Variants in SPAG16 observed in about 807,000 individuals in gnomAD.
SPAG16 encodes the protein sperm-associated antigen 16 protein.
In SPAG16, 86 loss-of-function variants were observed where a neutral mutation model predicts 80.4. The ratio of observed to expected loss-of-function variants is 1.07; its 90% CI spans 0.90 to 1.28. The LOEUF is 1.28. SPAG16 is among the 50% of genes most tolerant of loss of function. The pLI is 0.00. For synonymous variants in SPAG16, 294 were observed against 265.9 expected, an observed-to-expected ratio of 1.11 and a Z score of -1.03; for missense variants, 870 against 765.3, an observed-to-expected ratio of 1.14 and a Z score of -1.61.
At chr2:213,518,863 C>A (rs1356612205) in intron 10 of SPAG16, among the ~76,000 whole-genome samples, 2 of 152,176 alleles carry the variant, frequency 1.3e-5, no homozygotes, top group African/African-American at 4.8e-5. Context: ...AAATATTATA[C>A]ATATACACTG....
At chr2:214,318,501 C>T (rs1695854355) in intron 15 of SPAG16, among the ~76,000 whole-genome samples, 1 of 150,988 alleles carries the variant, frequency 6.6e-6, no homozygotes, top group Admixed American at 6.6e-5. Context: ...CCTGCCTCAG[C>T]CTCCCGAGTA....
At position 213,441,790 on chromosome 2, in the gene SPAG16, A is replaced by G. The variant is rs2070974951; in HGVS notation, c.943-48173A>G. On this transcript the variant is annotated intron_variant, in intron 9 of 15. Transcript: ENST00000331683. Reference sequence around the variant, plus strand: ...GTAAGCCATTATAGCAAGTTACAGTACAAAGTTAATATACAAAAGTCAACC... The same window carrying G: ...GTAAGCCATTATAGCAAGTTACAGTGCAAAGTTAATATACAAAAGTCAACC... Among the ~76,000 whole-genome samples the G allele has an allele frequency of 2.6e-5, 4 of 152,242 alleles. No homozygotes were observed. In the South Asian group the frequency reaches 8.3e-4, roughly 32 times the overall value.
intron 15 of SPAG16, among the ~76,000 whole-genome samples, chr2:214,313,473 AT>A (rs1029404336): frequency 6.6e-6 from 1 of 152,120 alleles, no homozygotes; most frequent in Non-Finnish European, 1.5e-5. Context: ...CTGCCATTTC[AT>A]TTTTAGTAAA....
At chr2:213,418,773 T>C (rs369628806) in intron 9 of SPAG16, among the ~76,000 whole-genome samples, 90 of 152,312 alleles carry the variant, frequency 5.9e-4, no homozygotes, top group African/African-American at 2.0e-3. Context: ...AAAATCTGAG[T>C]TGAATCCCTA....
intron 15 of SPAG16, among the ~76,000 whole-genome samples, chr2:214,376,011 T>A (rs537864838): frequency 1.3e-5 from 2 of 152,208 alleles, no homozygotes; most frequent in African/African-American, 4.8e-5. Context: ...TCTATATGCT[T>A]CAGATTCTGC....
intron 10 of SPAG16, among the ~76,000 whole-genome samples, chr2:213,633,269 C>T (rs1055795641): frequency 3.3e-5 from 5 of 152,176 alleles, no homozygotes; most frequent in East Asian, 3.9e-4. Context: ...GTTGCTCACA[C>T]GAGCCACTAA....
At chr2:213,936,463 G>A (rs1455902389) in intron 12 of SPAG16, among the ~76,000 whole-genome samples, 2 of 152,132 alleles carry the variant, frequency 1.3e-5, no homozygotes, top group East Asian at 3.9e-4. Context: ...TGGGGTGAAA[G>A]CTTAAAAGCA....
At chr2:214,058,189 G>A (rs1173238337) in intron 13 of SPAG16, among the ~76,000 whole-genome samples, 2 of 152,140 alleles carry the variant, frequency 1.3e-5, no homozygotes, top group African/African-American at 4.8e-5. Flanking sequence ...CCCTGTGTAA[G>A]TGTACATGCC....
intron 15 of SPAG16, among the ~76,000 whole-genome samples, chr2:214,193,325 A>G (rs1232978204): frequency 1.3e-5 from 2 of 151,904 alleles, no homozygotes; most frequent in East Asian, 3.9e-4. Context: ...CTGCACCAAG[A>G]TACTCATCCA....
intron 15 of SPAG16, among the ~76,000 whole-genome samples, chr2:214,206,640 A>G (rs2058152282): frequency 6.6e-6 from 1 of 152,192 alleles, no homozygotes; most frequent in African/African-American, 2.4e-5. Flanking sequence ...TATACCCAGC[A>G]GTGAGATTGC....
At chr2:213,632,711 G>A (rs2062201680) in intron 10 of SPAG16, among the ~76,000 whole-genome samples, 2 of 151,644 alleles carry the variant, frequency 1.3e-5, no homozygotes. Flanking sequence ...TACTTTTACA[G>A]CATCAATTGA....
intron 15 of SPAG16, among the ~76,000 whole-genome samples, chr2:214,194,371 A>T (rs1188144271): frequency 1.3e-5 from 2 of 152,044 alleles, no homozygotes; most frequent in East Asian, 3.9e-4. Flanking sequence ...CTTGCTCAGA[A>T]ACACTATACT....
intron 13 of SPAG16, among the ~76,000 whole-genome samples, chr2:214,080,457 AATT>A (rs1219313552): frequency 6.7e-6 from 1 of 150,286 alleles, no homozygotes; most frequent in African/African-American, 2.5e-5. Context: ...AAAAAAAAAA[AATT>A]AGCCGGGCGT....
intron 13 of SPAG16, among the ~76,000 whole-genome samples, chr2:214,101,420 T>C (rs1202665292): frequency 6.6e-6 from 1 of 152,086 alleles, no homozygotes; most frequent in Admixed American, 6.6e-5. Context: ...ATGTTGTTTG[T>C]TTCTGCCAGA....
chr2:213,718,524 G>C (rs967660335), intron 10 of SPAG16, among the ~76,000 whole-genome samples: 1 of 152,206 alleles, frequency 6.6e-6, no homozygotes. Context: ...GGCTGCCTGC[G>C]GTGCTTGCAG....
chr2:213,301,166 G>T (rs1055575998), intron 3 of SPAG16, among the ~76,000 whole-genome samples: 1 of 151,940 alleles, frequency 6.6e-6, no homozygotes, highest in Non-Finnish European at 1.5e-5. Context: ...ATTACTTTTA[G>T]ACTCAATTAC....
chr2:213,791,293 A>G (rs2070683916), intron 10 of SPAG16, among the ~76,000 whole-genome samples: 1 of 149,060 alleles, frequency 6.7e-6, no homozygotes, highest in Non-Finnish European at 1.5e-5. Context: ...CTAAAGTTTG[A>G]AAAAAAAAAC....
At chr2:213,927,979 G>A (rs2078564255) in intron 11 of SPAG16, among the ~76,000 whole-genome samples, 1 of 152,182 alleles carries the variant, frequency 6.6e-6, no homozygotes, top group Non-Finnish European at 1.5e-5. Flanking sequence ...ACAAACATAT[G>A]TGCAAACCAA....
intron 10 of SPAG16, among the ~76,000 whole-genome samples, chr2:213,626,641 A>AGTTTTTTT (rs1213389671): frequency 1.0e-5 from 1 of 98,980 alleles, no homozygotes; most frequent in African/African-American, 3.9e-5. Flanking sequence ...ATCGGGCTCA[A>AGTTTTTTT]TTTTTTTTTT....
Sources: allele counts gnomAD v4.1 joint callset (sites outside exome capture counted in the v4.1 genomes callset), GRCh38; gene constraint gnomAD v4.1.1; transcripts MANE v1.5; gene names NCBI Gene and HGNC (gene_info 2026-07-23, HGNC 2026-07-21).